The following GRM8 variants were observed in gnomAD, a reference collection of about 807,000 sequenced individuals.
The protein encoded by GRM8 is metabotropic glutamate receptor 8.
Under a neutral mutation model 87.2 loss-of-function variants are expected in GRM8, and 47 were observed. The ratio of observed to expected loss-of-function variants is 0.54; its 90% CI spans 0.43 to 0.69. GRM8 has a LOEUF of 0.69. Among genes scored for constraint, GRM8 ranks in the 30% least tolerant of loss-of-function variants. GRM8 has a pLI of 0.00. For missense variants in GRM8, 1,019 were observed against 1,139.2 expected, an observed-to-expected ratio of 0.89 and a Z score of 1.52; for synonymous variants, 396 against 404.5, an observed-to-expected ratio of 0.98 and a Z score of 0.25.
chr7:126,675,942 C>T (rs1037172066), intron 7 of GRM8, among the ~76,000 whole-genome samples: 3 of 152,150 alleles, frequency 2.0e-5, no homozygotes, highest in Admixed American at 6.5e-5. Flanking sequence ...AAAAGAGGAA[C>T]TCAAACTATT....
chr7:126,669,279 A>G (rs144930138), intron 7 of GRM8, among the ~76,000 whole-genome samples: 1 of 152,268 alleles, frequency 6.6e-6, no homozygotes, highest in African/African-American at 2.4e-5. Flanking sequence ...GTACATGTAT[A>G]CCTATGTAAC....
chr7:127,137,031 C>A (rs566938537), intron 2 of GRM8, among the ~76,000 whole-genome samples: 3 of 152,122 alleles, frequency 2.0e-5, no homozygotes, highest in African/African-American at 7.2e-5. Flanking sequence ...CATTGTCCTG[C>A]AAAGGGCATA....
chr7:127,022,528 G>A (rs1792195503), intron 3 of GRM8, among the ~76,000 whole-genome samples: 1 of 151,976 alleles, frequency 6.6e-6, no homozygotes, highest in African/African-American at 2.4e-5. Flanking sequence ...GTGGAGGGAG[G>A]AATGGGGTGG....
chr7:126,876,459 G>A (rs1239521844), intron 6 of GRM8, among the ~76,000 whole-genome samples: 1 of 152,144 alleles, frequency 6.6e-6, no homozygotes, highest in Admixed American at 6.5e-5. Flanking sequence ...TCATAATGAG[G>A]AAACTGAGAG....
intron 3 of GRM8, among the ~76,000 whole-genome samples, chr7:127,105,700 T>G (rs138147761): frequency 3.3e-5 from 5 of 152,360 alleles, no homozygotes; most frequent in African/African-American, 1.2e-4. Flanking sequence ...ATTCATTCAT[T>G]CTTAATAAGA....
At chr7:126,650,340 G>A (rs1803671354) in intron 7 of GRM8, among the ~76,000 whole-genome samples, 1 of 152,120 alleles carries the variant, frequency 6.6e-6, no homozygotes. Flanking sequence ...ATAATCAGTT[G>A]ACAGAGGAAG....
At chr7:127,002,520 T>C (rs1300990181) in intron 3 of GRM8, among the ~76,000 whole-genome samples, 23 of 151,806 alleles carry the variant, frequency 1.5e-4, no homozygotes, top group Non-Finnish European at 7.4e-5. Flanking sequence ...TGACAACTGC[T>C]CTTGGCAGTG....
intron 2 of GRM8, among the ~76,000 whole-genome samples, chr7:127,114,971 G>C (rs966679566): frequency 1.3e-5 from 2 of 152,134 alleles, no homozygotes; most frequent in Non-Finnish European, 2.9e-5. Context: ...GTCAGAGGTC[G>C]AGGTTGGCAG....
intron 7 of GRM8, among the ~76,000 whole-genome samples, chr7:126,641,130 CAT>C (rs1203758466): frequency 6.6e-6 from 1 of 152,106 alleles, no homozygotes; most frequent in Non-Finnish European, 1.5e-5. Flanking sequence ...CATTTTGAAT[CAT>C]ATTCTTCAAG....
intron 3 of GRM8, among the ~76,000 whole-genome samples, chr7:127,016,964 T>C (rs983933556): frequency 6.6e-6 from 1 of 152,088 alleles, no homozygotes; most frequent in African/African-American, 2.4e-5. Context: ...CTATTTTCTA[T>C]AAAAGAAAAA....
At chr7:126,927,826 A>T (rs1336463276) in intron 3 of GRM8, among the ~76,000 whole-genome samples, 1 of 152,208 alleles carries the variant, frequency 6.6e-6, no homozygotes, top group Non-Finnish European at 1.5e-5. Context: ...TCAAGGATCT[A>T]GAACTAGAAA....
chr7:126,612,857 G>A (rs1226126595), intron 7 of GRM8, among the ~76,000 whole-genome samples: 1 of 152,140 alleles, frequency 6.6e-6, no homozygotes, highest in Non-Finnish European at 1.5e-5. Context: ...TATATTTTCT[G>A]TCATCTTTTA....
intron 9 of GRM8, among the ~76,000 whole-genome samples, chr7:126,501,534 G>A (rs983894309): frequency 2.0e-5 from 3 of 151,972 alleles, no homozygotes; most frequent in Admixed American, 6.6e-5. Context: ...AAAGACAATA[G>A]AAGAAAAGGG....
rs555989599 is a variant in GRM8 at position 126,820,018 on chromosome 7, CCT to C, written c.1157-49955_1157-49954del. 2.4e-3 allele frequency among the ~76,000 whole-genome samples: 360 copies of C among 152,172 alleles called. 3 individuals carry two copies. The highest frequency in any genetic ancestry group is 8.3e-3 in the African/African-American group (344 of 41,524). ...GCTTGAAATTTAGCTAGTAAGACTT[CCT>C]AACTAAATTTTTAATTTTATTTCAT... On this transcript the variant is annotated intron_variant, in intron 6 of 10. Coordinates refer to ENST00000339582, the MANE Select transcript of GRM8 (RefSeq NM_000845.3).
At chr7:126,997,558 A>G (rs891295979) in intron 3 of GRM8, among the ~76,000 whole-genome samples, 3 of 151,382 alleles carry the variant, frequency 2.0e-5, no homozygotes, top group Admixed American at 6.6e-5. Context: ...AAAAAAAAAA[A>G]AGAGACGATC....
intron 5 of GRM8, among the ~76,000 whole-genome samples, chr7:126,902,959 T>G (rs1012908783): frequency 6.6e-6 from 1 of 152,034 alleles, no homozygotes; most frequent in African/African-American, 2.4e-5. Flanking sequence ...TCTTAAACCC[T>G]CTCCTACTCT....
chr7:127,059,729 C>T (rs11563505), intron 3 of GRM8, among the ~76,000 whole-genome samples: 8,513 of 152,264 alleles, frequency 0.056, 284 homozygotes, highest in South Asian at 0.13. Flanking sequence ...CTCATGAATA[C>T]GCTGCATCAA....
chr7:127,181,888 A>T (rs1191117893), intron 2 of GRM8, among the ~76,000 whole-genome samples: 2 of 152,166 alleles, frequency 1.3e-5, no homozygotes, highest in African/African-American at 4.8e-5. Context: ...AACTATAAAA[A>T]TTCTAGATGA....
At chr7:126,794,455 A>G (rs979134354) in intron 6 of GRM8, among the ~76,000 whole-genome samples, 2 of 152,156 alleles carry the variant, frequency 1.3e-5, no homozygotes, top group Admixed American at 6.6e-5. Context: ...CAGAAGATAA[A>G]TGTATTTTAT....
Sources: allele counts gnomAD v4.1 joint callset (sites outside exome capture counted in the v4.1 genomes callset), GRCh38; gene constraint gnomAD v4.1.1; transcripts MANE v1.5; gene names NCBI Gene and HGNC (gene_info 2026-07-23, HGNC 2026-07-21).